CNTNAP2: variants seen among roughly 807,000 people sequenced by gnomAD.
CNTNAP2 encodes contactin-associated protein-like 2.
In CNTNAP2, 98 loss-of-function variants were observed where a neutral mutation model predicts 155.2. The observed-to-expected ratio is 0.63, with a 90% CI of 0.54 to 0.75. The LOEUF (loss-of-function observed/expected upper bound fraction) is 0.75. Among genes scored for constraint, CNTNAP2 ranks in the 30% least tolerant of loss-of-function variants. The probability of loss-of-function intolerance (pLI) is 0.00; values close to 1 mark genes in which losing one functional copy is unlikely to be tolerated. For missense variants in CNTNAP2, 1,727 were observed against 1,688.1 expected (o/e 1.02, Z -0.40); for synonymous variants, 651 against 631.2 (o/e 1.03, Z -0.47).
At position 146,771,002 on chromosome 7, in the gene CNTNAP2, C is replaced by T. The variant is rs114851566; in HGVS notation, c.98-3269C>T. 8.3e-3 allele frequency among the ~76,000 whole-genome samples: 1,256 copies of T among 152,144 alleles called. 16 individuals carry two copies. The highest frequency in any genetic ancestry group is 0.026 in the African/African-American group (1,063 of 41,520). Reference sequence around the variant, plus strand: ...CTAGCATGATCCTGCAGATTTATAACGTGGCTTTCTTCCTCATTTTCTTCA... The same window carrying T: ...CTAGCATGATCCTGCAGATTTATAATGTGGCTTTCTTCCTCATTTTCTTCA... On this transcript the variant is annotated intron_variant, in intron 1 of 23. Coordinates refer to ENST00000361727, the MANE Select transcript of CNTNAP2 (RefSeq NM_014141.6).
At chr7:146,989,527 CACAA>C (rs370407455) in intron 3 of CNTNAP2, among the ~76,000 whole-genome samples, 6 of 128,000 alleles carry the variant, frequency 4.7e-5, no homozygotes, top group East Asian at 2.1e-4. Flanking sequence ...ACTCCTTTAA[CACAA>C]ACAAACAAAC....
intron 13 of CNTNAP2, among the ~76,000 whole-genome samples, chr7:147,738,623 A>C (rs554279145): frequency 6.6e-6 from 1 of 151,540 alleles, no homozygotes; most frequent in African/African-American, 2.4e-5. Context: ...TTGCACACTA[A>C]CTAGACACAG....
intron 11 of CNTNAP2, among the ~76,000 whole-genome samples, chr7:147,486,520 A>G (rs892427852): frequency 6.6e-6 from 1 of 152,204 alleles, no homozygotes; most frequent in African/African-American, 2.4e-5. Flanking sequence ...CAAAGAAATG[A>G]GTCCGAAATG....
chr7:146,543,124 C>A (rs1190486250), intron 1 of CNTNAP2, among the ~76,000 whole-genome samples: 1 of 151,764 alleles, frequency 6.6e-6, no homozygotes, highest in African/African-American at 2.4e-5. Flanking sequence ...CCAAATGCAA[C>A]CATTGCACTA....
chr7:147,444,525 CTT>C (rs557707358), intron 10 of CNTNAP2, among the ~76,000 whole-genome samples: 27 of 131,800 alleles, frequency 2.0e-4, no homozygotes, highest in South Asian at 2.5e-4. Flanking sequence ...ATTAAATTTT[CTT>C]TTTTTTTTTT....
intron 8 of CNTNAP2, among the ~76,000 whole-genome samples, chr7:147,173,169 C>T (rs1802266567): frequency 6.6e-6 from 1 of 152,102 alleles, no homozygotes. Context: ...TCACTTGAGT[C>T]CTAAAACAGG....
chr7:146,323,862 A>G (rs1262133897), intron 1 of CNTNAP2, among the ~76,000 whole-genome samples: 3 of 152,174 alleles, frequency 2.0e-5, no homozygotes, highest in Non-Finnish European at 2.9e-5. Context: ...ACATTGCTCC[A>G]TTCCCTGTAT....
intron 1 of CNTNAP2, among the ~76,000 whole-genome samples, chr7:146,376,146 C>T (rs1054337309): frequency 7.9e-5 from 12 of 152,146 alleles, no homozygotes; most frequent in South Asian, 2.1e-4. Context: ...ACTATAAGAG[C>T]GAGCCACCAT....
At chr7:147,528,799 C>G (rs1253532238) in intron 11 of CNTNAP2, among the ~76,000 whole-genome samples, 1 of 152,142 alleles carries the variant, frequency 6.6e-6, no homozygotes, top group South Asian at 2.1e-4. Flanking sequence ...TGTTATAATA[C>G]CAATCCGAAC....
At chr7:147,267,529 T>C (rs977946510) in intron 8 of CNTNAP2, among the ~76,000 whole-genome samples, 1 of 147,702 alleles carries the variant, frequency 6.8e-6, no homozygotes, top group Non-Finnish European at 1.5e-5. Context: ...CTATTAAGCT[T>C]TTCCTATTAT....
chr7:147,771,710 A>G (rs535489762), intron 13 of CNTNAP2, among the ~76,000 whole-genome samples: 5 of 152,038 alleles, frequency 3.3e-5, no homozygotes, highest in Admixed American at 6.5e-5. Context: ...CAGGATTTGA[A>G]GTTGTCTGGC....
intron 1 of CNTNAP2, among the ~76,000 whole-genome samples, chr7:146,427,863 C>T (rs1796115195): frequency 6.6e-6 from 1 of 152,128 alleles, no homozygotes; most frequent in Non-Finnish European, 1.5e-5. Context: ...AGCCCAGCAT[C>T]CATCAGCTAT....
In CNTNAP2 at chr7:147,977,970, T is replaced by A. The variant is rs1801459664; in HGVS notation, c.2364T>A (p.Pro788=). 3 of 1,613,986 alleles carry A rather than the reference T, an allele frequency of 1.9e-6. No individual in the cohort carries two copies. The African/African-American group carries it at 4.0e-5, about 22-fold the overall frequency. ...CAGAAGCCAAATTGAGCGTAGGTCCTCTGCGCTGCCAAGGAGACAGTAAGT... is the reference window on the plus strand; with the variant it reads ...CAGAAGCCAAATTGAGCGTAGGTCCACTGCGCTGCCAAGGAGACAGTAAGT... The part of the protein sequence containing the change: ...QGSEAKLSVG[P]LRCQGDRNYW... Residue 788 remains proline (P), a synonymous_variant, in exon 15 of 24, where the codon CCT becomes CCA. Coordinates refer to ENST00000361727, the MANE Select transcript of CNTNAP2 (RefSeq NM_014141.6).
At chr7:146,328,740 G>T (rs1172327568) in intron 1 of CNTNAP2, among the ~76,000 whole-genome samples, 1 of 152,068 alleles carries the variant, frequency 6.6e-6, no homozygotes, top group African/African-American at 2.4e-5. Flanking sequence ...CTGTTACCAA[G>T]AATTTAACTT....
At chr7:147,506,902 A>G (rs900823415) in intron 11 of CNTNAP2, among the ~76,000 whole-genome samples, 9 of 152,110 alleles carry the variant, frequency 5.9e-5, no homozygotes, top group African/African-American at 2.2e-4. Flanking sequence ...CAACTCTGTC[A>G]CTTACTGTGG....
intron 1 of CNTNAP2, among the ~76,000 whole-genome samples, chr7:146,199,318 T>C (rs77142818): frequency 2.6e-5 from 4 of 152,276 alleles, no homozygotes; most frequent in Non-Finnish European, 5.9e-5. Context: ...TATAATGCAC[T>C]AATCCAAGAT....
chr7:146,125,359 G>A (rs1454616832), intron 1 of CNTNAP2, among the ~76,000 whole-genome samples: 1 of 151,954 alleles, frequency 6.6e-6, no homozygotes, highest in Non-Finnish European at 1.5e-5. Flanking sequence ...GGCGGATCAC[G>A]AGGTCAGGAG....
At chr7:147,081,408 TAAG>T (rs1309263234) in intron 4 of CNTNAP2, 1 of 142,558 alleles carries the variant, frequency 7.0e-6, no homozygotes, top group Non-Finnish European at 1.5e-5. Flanking sequence ...ACTTAAAAAC[TAAG>T]AGATTCTTTT....
intron 13 of CNTNAP2, among the ~76,000 whole-genome samples, chr7:147,691,506 C>A (rs908974201): frequency 1.1e-4 from 16 of 152,238 alleles, no homozygotes; most frequent in African/African-American, 3.9e-4. Context: ...ACTTGATCTA[C>A]AGATTCAATG....
Sources: gnomAD v4.1 joint callset for allele counts (sites outside exome capture counted in the v4.1 genomes callset) on GRCh38, gnomAD v4.1.1 for gene constraint, MANE v1.5 for transcripts, NCBI Gene and HGNC (gene_info 2026-07-23, HGNC 2026-07-21) for gene names.